The following IMMP2L variants were observed in gnomAD, a reference collection of about 807,000 sequenced individuals.
IMMP2L encodes the protein inner mitochondrial membrane peptidase subunit 2.
Under a neutral mutation model 19.3 loss-of-function variants are expected in IMMP2L, and 18 were observed. That is an observed-to-expected ratio of 0.93 (90% CI 0.64 to 1.38). The LOEUF is 1.38. Ranked by LOEUF, IMMP2L falls within the 40% of genes most tolerant of loss-of-function variation. The probability of loss-of-function intolerance (pLI) is 0.00; values close to 1 mark genes in which losing one functional copy is unlikely to be tolerated. For missense variants in IMMP2L, 233 were observed against 218.2 expected, an observed-to-expected ratio of 1.07 and a Z score of -0.43; for synonymous variants, 76 against 73.0, an observed-to-expected ratio of 1.04 and a Z score of -0.21.
chr7:110,804,398 A>G (rs1801474455), intron 5 of IMMP2L, among the ~76,000 whole-genome samples: 1 of 151,960 alleles, frequency 6.6e-6, no homozygotes, highest in South Asian at 2.1e-4. Flanking sequence ...GCAAAACTTT[A>G]TTACATGGAA....
chr7:111,496,557 T>C (rs1004923549), intron 2 of IMMP2L, among the ~76,000 whole-genome samples: 2 of 152,144 alleles, frequency 1.3e-5, no homozygotes, highest in Non-Finnish European at 1.5e-5. Flanking sequence ...AGGGCTTGGA[T>C]ACAAGAACAA....
At chr7:110,822,616 G>T (rs1299003885) in intron 5 of IMMP2L, among the ~76,000 whole-genome samples, 3 of 151,942 alleles carry the variant, frequency 2.0e-5, no homozygotes, top group African/African-American at 7.3e-5. Context: ...TAGTTTAAGG[G>T]TAATAAATAA....
At chr7:111,094,843 T>C (rs7457603) in intron 3 of IMMP2L, among the ~76,000 whole-genome samples, 2 of 151,956 alleles carry the variant, frequency 1.3e-5, no homozygotes, top group Non-Finnish European at 2.9e-5. Context: ...TGCCAGAGGA[T>C]GGGAAAAAGG....
chr7:111,506,371 G>T (rs1844903231), intron 2 of IMMP2L, among the ~76,000 whole-genome samples: 1 of 151,710 alleles, frequency 6.6e-6, no homozygotes. Flanking sequence ...ATCTAGTTGG[G>T]GCTCATTCCA....
At chr7:111,126,911 G>A (rs1009140133) in intron 3 of IMMP2L, among the ~76,000 whole-genome samples, 9 of 151,998 alleles carry the variant, frequency 5.9e-5, no homozygotes, top group African/African-American at 2.2e-4. Context: ...CATCTCACTG[G>A]CCTATAAACA....
chr7:111,461,334 T>C (rs1840118143), intron 3 of IMMP2L, among the ~76,000 whole-genome samples: 1 of 151,906 alleles, frequency 6.6e-6, no homozygotes, highest in Non-Finnish European at 1.5e-5. Flanking sequence ...GCACATTTAA[T>C]TTTTTTCAAA....
Position 111,123,167 on chromosome 7 carries a change from C to A in IMMP2L, c.240-159602G>T, listed in dbSNP as rs1343750002. 1.9e-5 allele frequency: 31 copies of A among 1,613,864 alleles called. No individual in the cohort carries two copies. Among genetic ancestry groups the A allele is most frequent in the Non-Finnish European group, 2.5e-5 (30 of 1,179,988 alleles). On this transcript the variant is annotated intron_variant, in intron 3 of 5. Coordinates refer to ENST00000405709, the MANE Select transcript of IMMP2L (RefSeq NM_032549.4). The surrounding 1 kb of genome is among the most constrained non-coding windows in gnomAD (Gnocchi z 6.4). ...GAGGAAAACAAACTTACTGAACTGCCTGAAAAATGTCTGTCCGAACTGAGC... is the reference window on the plus strand; with the variant it reads ...GAGGAAAACAAACTTACTGAACTGCATGAAAAATGTCTGTCCGAACTGAGC...
chr7:111,557,182 T>A (rs1156552774), intron 1 of IMMP2L, among the ~76,000 whole-genome samples: 1 of 152,102 alleles, frequency 6.6e-6, no homozygotes, highest in African/African-American at 2.4e-5. Context: ...CCTACTGATG[T>A]ACTGTCCTTG....
chr7:111,317,947 C>A (rs1205242438), intron 3 of IMMP2L, among the ~76,000 whole-genome samples: 2 of 151,978 alleles, frequency 1.3e-5, no homozygotes, highest in Non-Finnish European at 2.9e-5. Flanking sequence ...AGAAAAAATA[C>A]CAAATAGGCT....
chr7:110,720,626 C>T (rs1795508257), intron 5 of IMMP2L, among the ~76,000 whole-genome samples: 1 of 152,126 alleles, frequency 6.6e-6, no homozygotes, highest in Non-Finnish European at 1.5e-5. Context: ...CTAGTCTTTG[C>T]TCTACTACTA....
At chr7:111,331,583 A>C (rs1825880311) in intron 3 of IMMP2L, among the ~76,000 whole-genome samples, 1 of 151,950 alleles carries the variant, frequency 6.6e-6, no homozygotes, top group African/African-American at 2.4e-5. Context: ...CCACAAAAAA[A>C]GGTATTTGAG....
chr7:110,728,268 G>C lies in IMMP2L; in HGVS notation c.409-64547C>G, dbSNP rs1265375953. Reference sequence around the variant, plus strand: ...AATCCCAGCAGGTTGGGAAGCCAAGGCAGGCAGATGGCTTGAGCTCAGGAG... The same window carrying C: ...AATCCCAGCAGGTTGGGAAGCCAAGCCAGGCAGATGGCTTGAGCTCAGGAG... On this transcript the variant is annotated intron_variant, in intron 5 of 5. Transcript: ENST00000405709. The surrounding 1 kb of genome is among the most constrained non-coding windows in gnomAD (Gnocchi z 4.6). Among the ~76,000 whole-genome samples the C allele has an allele frequency of 6.6e-6, 1 of 152,136 alleles. No homozygotes were observed. The highest frequency in any genetic ancestry group is 1.5e-5 in the Non-Finnish European group (1 of 68,036).
chr7:111,389,189 C>T (rs1355733832), intron 3 of IMMP2L, among the ~76,000 whole-genome samples: 1 of 152,026 alleles, frequency 6.6e-6, no homozygotes, highest in Non-Finnish European at 1.5e-5. Context: ...CATAAGGAAA[C>T]ATCAGATAAA....
intron 5 of IMMP2L, among the ~76,000 whole-genome samples, chr7:110,769,147 C>T (rs1281047228): frequency 6.6e-6 from 1 of 152,184 alleles, no homozygotes; most frequent in Non-Finnish European, 1.5e-5. Flanking sequence ...TCTTCTGCTG[C>T]TTTTCTAAAT....
At chr7:111,341,578 T>C (rs915923016) in intron 3 of IMMP2L, among the ~76,000 whole-genome samples, 8 of 152,134 alleles carry the variant, frequency 5.3e-5, no homozygotes, top group African/African-American at 1.9e-4. Context: ...ACCATTCCCA[T>C]GGTAAATGCT....
chr7:110,864,155 T>C (rs1225532095), intron 5 of IMMP2L, among the ~76,000 whole-genome samples: 1 of 152,160 alleles, frequency 6.6e-6, no homozygotes, highest in Admixed American at 6.6e-5. Context: ...AAGTTTCTAA[T>C]GTCTTGCATT....
chr7:111,317,682 G>A (rs973458272), intron 3 of IMMP2L, among the ~76,000 whole-genome samples: 1 of 152,092 alleles, frequency 6.6e-6, no homozygotes, highest in African/African-American at 2.4e-5. Context: ...TTATAAGGCT[G>A]CTACAAACAA....
chr7:110,897,809 A>G (rs543439435), intron 4 of IMMP2L, among the ~76,000 whole-genome samples: 2 of 152,278 alleles, frequency 1.3e-5, no homozygotes, highest in South Asian at 2.1e-4. Context: ...AAAATTATCG[A>G]ATAGAAAAGC....
intron 3 of IMMP2L, among the ~76,000 whole-genome samples, chr7:111,405,866 C>T (rs1479877958): frequency 6.6e-6 from 1 of 152,010 alleles, no homozygotes; most frequent in African/African-American, 2.4e-5. Flanking sequence ...CGCAGCCACA[C>T]CCATTTTCTT....
Sources: allele counts gnomAD v4.1 joint callset (sites outside exome capture counted in the v4.1 genomes callset), GRCh38; gene constraint gnomAD v4.1.1; non-coding constraint Gnocchi (gnomAD v3.1); transcripts MANE v1.5; gene names NCBI Gene and HGNC (gene_info 2026-07-23, HGNC 2026-07-21).